The following SRRM4 variants were observed in gnomAD, a reference collection of about 807,000 sequenced individuals.
SRRM4 encodes the protein serine/arginine repetitive matrix 4.
A neutral mutation model predicts 68.9 loss-of-function variants in SRRM4; 33 were observed. That is an observed-to-expected ratio of 0.48 (90% CI 0.36 to 0.64). The LOEUF (loss-of-function observed/expected upper bound fraction) is 0.64, where lower values mean the gene tolerates loss of function less well. Ranked by LOEUF, SRRM4 falls within the 30% of genes least tolerant of loss-of-function variation. The pLI is 0.00. For synonymous variants in SRRM4, 318 were observed against 318.8 expected (o/e 1.00, Z 0.03); for missense variants, 817 against 827.1 (o/e 0.99, Z 0.15).
chr12:119,085,214 T>A (rs1330039011), intron 1 of SRRM4, among the ~76,000 whole-genome samples: 1 of 152,356 alleles, frequency 6.6e-6, no homozygotes, highest in Non-Finnish European at 1.5e-5. Flanking sequence ...TGCCATTTTT[T>A]AATTAGCAAA....
intron 1 of SRRM4, among the ~76,000 whole-genome samples, chr12:119,018,614 A>T (rs1953496106): frequency 6.6e-6 from 1 of 152,170 alleles, no homozygotes; most frequent in Non-Finnish European, 1.5e-5. Flanking sequence ...CAATTATTAC[A>T]AGAAAAACAG....
intron 3 of SRRM4, among the ~76,000 whole-genome samples, chr12:119,115,241 G>A (rs1393848989): frequency 6.6e-6 from 1 of 151,920 alleles, no homozygotes; most frequent in Non-Finnish European, 1.5e-5. Context: ...GGAGGGGAGG[G>A]GTGCTGTTTG....
At chr12:119,034,371 G>A (rs1254029921) in intron 1 of SRRM4, among the ~76,000 whole-genome samples, 1 of 152,202 alleles carries the variant, frequency 6.6e-6, no homozygotes, top group Non-Finnish European at 1.5e-5. Context: ...CAGTGGCTGG[G>A]AGGATCCACT....
At chr12:119,006,948 G>C (rs372447432) in intron 1 of SRRM4, among the ~76,000 whole-genome samples, 4 of 152,202 alleles carry the variant, frequency 2.6e-5, no homozygotes, top group Non-Finnish European at 4.4e-5. Flanking sequence ...GGAGGAGCCC[G>C]TGAGAAGGCA....
chr12:118,983,749 T>C (rs974915294), intron 1 of SRRM4, among the ~76,000 whole-genome samples: 13 of 152,214 alleles, frequency 8.5e-5, no homozygotes, highest in African/African-American at 3.1e-4. Flanking sequence ...CTTGGTACTT[T>C]CCACTTTTGT....
At chr12:119,118,293 G>A (rs185857588) in intron 4 of SRRM4, among the ~76,000 whole-genome samples, 67 of 152,312 alleles carry the variant, frequency 4.4e-4, no homozygotes, top group African/African-American at 1.4e-3. Context: ...TTGCTTATCC[G>A]TATCATCCAA....
At chr12:119,035,932 A>G (rs1953624124) in intron 1 of SRRM4, among the ~76,000 whole-genome samples, 1 of 152,190 alleles carries the variant, frequency 6.6e-6, no homozygotes, top group African/African-American at 2.4e-5. Flanking sequence ...TTGGAGGCCT[A>G]CATATGTTCT....
chr12:119,147,903 T>A (rs1002556162), intron 9 of SRRM4, among the ~76,000 whole-genome samples: 4 of 152,214 alleles, frequency 2.6e-5, no homozygotes, highest in African/African-American at 9.6e-5. Flanking sequence ...ACTGATCACT[T>A]AGTCTGTACC....
At chr12:119,119,441 C>T (rs1954203828) in intron 4 of SRRM4, among the ~76,000 whole-genome samples, 1 of 151,254 alleles carries the variant, frequency 6.6e-6, no homozygotes, top group Non-Finnish European at 1.5e-5. Flanking sequence ...AGAGGCTCAC[C>T]CAGAGCTTGG....
intron 1 of SRRM4, among the ~76,000 whole-genome samples, chr12:118,986,686 A>G (rs567655019): frequency 1.3e-5 from 2 of 152,270 alleles, no homozygotes; most frequent in Admixed American, 6.5e-5. Flanking sequence ...GCAAGTAGAC[A>G]TGTTAGCCAG....
chr12:119,060,881 A>G (rs963056030), intron 1 of SRRM4, among the ~76,000 whole-genome samples: 5 of 152,196 alleles, frequency 3.3e-5, no homozygotes, highest in Admixed American at 2.0e-4. Flanking sequence ...AAGGAGGAAC[A>G]CAATCCCTAC....
At chr12:119,013,572 T>C (rs867231684) in intron 1 of SRRM4, among the ~76,000 whole-genome samples, 1 of 152,248 alleles carries the variant, frequency 6.6e-6, no homozygotes, top group African/African-American at 2.4e-5. Context: ...AGAAATATTT[T>C]ATATGAAAAT....
At chr12:119,058,919 T>C (rs1487756367) in intron 1 of SRRM4, among the ~76,000 whole-genome samples, 1 of 152,168 alleles carries the variant, frequency 6.6e-6, no homozygotes, top group East Asian at 1.9e-4. Context: ...AGTCCTGCAG[T>C]GAAGAGGTCT....
intron 1 of SRRM4, among the ~76,000 whole-genome samples, chr12:119,012,502 G>A (rs1469455709): frequency 6.6e-6 from 1 of 152,102 alleles, no homozygotes; most frequent in African/African-American, 2.4e-5. Flanking sequence ...GGAACTGTAG[G>A]GCAAATTTAT....
At chr12:119,101,371 C>A (rs751705476) in intron 1 of SRRM4, among the ~76,000 whole-genome samples, 8 of 152,080 alleles carry the variant, frequency 5.3e-5, no homozygotes, top group Non-Finnish European at 1.2e-4. Flanking sequence ...ATAGACGACG[C>A]CTCAGTATTC....
At chr12:119,021,011 C>G (rs1233006683) in intron 1 of SRRM4, among the ~76,000 whole-genome samples, 5 of 152,142 alleles carry the variant, frequency 3.3e-5, no homozygotes, top group African/African-American at 1.2e-4. Context: ...TGCTGGTTCT[C>G]TGGGTGACTT....
At chr12:119,004,817 A>T (rs1184787679) in intron 1 of SRRM4, among the ~76,000 whole-genome samples, 1 of 151,938 alleles carries the variant, frequency 6.6e-6, no homozygotes, top group East Asian at 2.0e-4. Flanking sequence ...AGTGAAGACG[A>T]TGTCCAGTGT....
chr12:118,987,252 A>C (rs1430653440), intron 1 of SRRM4, among the ~76,000 whole-genome samples: 1 of 152,164 alleles, frequency 6.6e-6, no homozygotes, highest in Non-Finnish European at 1.5e-5. Context: ...AGAGCATGGC[A>C]CTGTGCCTGG....
At chr12:119,087,551 GA>G (rs1953986844) in intron 1 of SRRM4, among the ~76,000 whole-genome samples, 1 of 152,126 alleles carries the variant, frequency 6.6e-6, no homozygotes, top group Non-Finnish European at 1.5e-5. Flanking sequence ...ATGGTCCCCA[GA>G]AACGCGCTGG....
Sources: gnomAD v4.1 joint callset for allele counts (sites outside exome capture counted in the v4.1 genomes callset) on GRCh38, gnomAD v4.1.1 for gene constraint, MANE v1.5 for transcripts, NCBI Gene and HGNC (gene_info 2026-07-23, HGNC 2026-07-21) for gene names.